Variants in SEMA3C observed in about 807,000 individuals in gnomAD.
SEMA3C encodes semaphorin 3C.
In SEMA3C, 47 loss-of-function variants were observed where a neutral mutation model predicts 89.4. The observed-to-expected ratio is 0.53, with a 90% CI of 0.42 to 0.67. The LOEUF is 0.67. Ranked by LOEUF, SEMA3C falls within the 30% of genes least tolerant of loss-of-function variation. The pLI, the probability that SEMA3C is intolerant of heterozygous loss-of-function variation, is 0.00. For synonymous variants in SEMA3C, 310 were observed against 320.2 expected (o/e 0.97, Z 0.34); for missense variants, 839 against 929.1 (o/e 0.90, Z 1.26).
chr7:80,871,873 G>A (rs1791066745), intron 2 of SEMA3C, among the ~76,000 whole-genome samples: 1 of 151,896 alleles, frequency 6.6e-6, no homozygotes, highest in South Asian at 2.1e-4. Context: ...AAAATTGAGG[G>A]AAACCTTAAA....
At chr7:80,851,136 A>AC (rs927175912) in intron 2 of SEMA3C, among the ~76,000 whole-genome samples, 3 of 152,090 alleles carry the variant, frequency 2.0e-5, no homozygotes, top group African/African-American at 7.2e-5. Context: ...TTTAGGGCTC[A>AC]CCCAGATAAT....
intron 4 of SEMA3C, among the ~76,000 whole-genome samples, chr7:80,820,178 C>T (rs1789711519): frequency 6.6e-6 from 1 of 151,598 alleles, no homozygotes; most frequent in African/African-American, 2.4e-5. Flanking sequence ...CTGCCTCAGC[C>T]TCCCAAGTAG....
chr7:80,887,673 C>G (rs1194824616), intron 2 of SEMA3C, among the ~76,000 whole-genome samples: 1 of 152,062 alleles, frequency 6.6e-6, no homozygotes, highest in Admixed American at 6.6e-5. Flanking sequence ...TTAATTACAT[C>G]ACAGATTTTT....
chr7:80,816,945 G>A (rs1208669622), intron 5 of SEMA3C, among the ~76,000 whole-genome samples: 1 of 152,154 alleles, frequency 6.6e-6, no homozygotes, highest in African/African-American at 2.4e-5. Flanking sequence ...TCTGAAAATG[G>A]CTATGCTATT....
At chr7:80,913,154 A>G (rs2116246843) in intron 2 of SEMA3C, among the ~76,000 whole-genome samples, 1 of 152,248 alleles carries the variant, frequency 6.6e-6, no homozygotes, top group Admixed American at 6.5e-5. Flanking sequence ...TAATGTCAAC[A>G]ATTTGGGAGG....
chr7:80,840,339 G>T (rs1189406144), intron 2 of SEMA3C, among the ~76,000 whole-genome samples: 1 of 151,804 alleles, frequency 6.6e-6, no homozygotes, highest in Admixed American at 6.6e-5. Flanking sequence ...GGGCAACATG[G>T]CAAGACCATG....
At chr7:80,865,306 A>T (rs944569672) in intron 2 of SEMA3C, among the ~76,000 whole-genome samples, 1 of 152,196 alleles carries the variant, frequency 6.6e-6, no homozygotes, top group Non-Finnish European at 1.5e-5. Flanking sequence ...TATTAAATAT[A>T]CAATTAGACT....
chr7:80,743,221 T>A lies in SEMA3C; in HGVS notation c.*1673A>T, dbSNP rs1217373216. 5.3e-5 allele frequency: 8 copies of A among 151,908 alleles called. No individual in the cohort carries two copies. Among genetic ancestry groups the A allele is most frequent in the African/African-American group, 2.4e-5 (1 of 41,442 alleles). The allele number at this position is 151,908 out of a possible 1,614,324, so 9.4% of individuals were successfully genotyped here. ...TACACATTTGGAACAACAGATTTTT[T>A]AAAAAATGAAGTTTGGTGTTATGTC... On this transcript the variant is annotated 3_prime_UTR_variant, in exon 18 of 18. Coordinates refer to ENST00000265361, the MANE Select transcript of SEMA3C (RefSeq NM_006379.5).
intron 2 of SEMA3C, among the ~76,000 whole-genome samples, chr7:80,833,437 G>A (rs1790054458): frequency 6.6e-6 from 1 of 151,714 alleles, no homozygotes; most frequent in Admixed American, 6.6e-5. Flanking sequence ...CTCCAGCCTG[G>A]GGTGACAGAG....
At chr7:80,787,707 G>C (rs1032584400) in intron 12 of SEMA3C, among the ~76,000 whole-genome samples, 29 of 152,204 alleles carry the variant, frequency 1.9e-4, no homozygotes, top group African/African-American at 6.8e-4. Context: ...ACCTGGCAAG[G>C]CTTCTAAGTT....
chr7:80,872,064 C>A (rs974564354), intron 2 of SEMA3C, among the ~76,000 whole-genome samples: 1 of 152,048 alleles, frequency 6.6e-6, no homozygotes, highest in Non-Finnish European at 1.5e-5. Context: ...ATATTCACGG[C>A]CTTGTATGCA....
chr7:80,765,214 G>T lies in SEMA3C; in HGVS notation c.1384C>A (p.Leu462Ile), dbSNP rs1424224742. The T allele has an allele frequency of 6.2e-7, 1 of 1,613,362 alleles. No homozygotes were observed. Among genetic ancestry groups the T allele is most frequent in the Non-Finnish European group, 8.5e-7 (1 of 1,179,702 alleles). The change falls in exon 13 of 18, where the codon CTT becomes ATT. Residue 462 changes from leucine to isoleucine, a missense_variant. By Grantham distance (5) the Leu-to-Ile change is conservative. Coordinates refer to ENST00000265361, the MANE Select transcript of SEMA3C (RefSeq NM_006379.5). ...DRGTVQKVVV[L>I]PTNNSVSGEL... ...CCACTGACAGAGTTGTTAGTAGGAA[G>T]AACAACCACTTTTTGCACAGTACCC...
intron 2 of SEMA3C, among the ~76,000 whole-genome samples, chr7:80,845,751 G>A (rs1415710220): frequency 6.6e-6 from 1 of 152,076 alleles, no homozygotes; most frequent in Non-Finnish European, 1.5e-5. Flanking sequence ...GGAAAACCAT[G>A]GGCACTAGGG....
intron 15 of SEMA3C, among the ~76,000 whole-genome samples, chr7:80,755,631 T>C (rs1788048616): frequency 6.6e-6 from 1 of 151,910 alleles, no homozygotes. Flanking sequence ...GCTTAATAGA[T>C]TGAAGATTAT....
intron 2 of SEMA3C, among the ~76,000 whole-genome samples, chr7:80,899,575 T>C (rs1201913009): frequency 6.6e-6 from 1 of 152,206 alleles, no homozygotes; most frequent in Non-Finnish European, 1.5e-5. Context: ...GAACTTTTGC[T>C]TTAAATATAA....
At chr7:80,908,325 T>C (rs903627161) in intron 2 of SEMA3C, among the ~76,000 whole-genome samples, 1 of 152,186 alleles carries the variant, frequency 6.6e-6, no homozygotes, top group Non-Finnish European at 1.5e-5. Context: ...ATGAATGAAG[T>C]GCCAGCTTGG....
chr7:80,777,680 C>T (rs1272737463), intron 12 of SEMA3C, among the ~76,000 whole-genome samples: 2 of 152,190 alleles, frequency 1.3e-5, no homozygotes, highest in Non-Finnish European at 2.9e-5. Context: ...CTACATACCA[C>T]ACTGCCATAT....
intron 12 of SEMA3C, among the ~76,000 whole-genome samples, chr7:80,785,736 G>A (rs1044748092): frequency 1.6e-4 from 24 of 152,164 alleles, no homozygotes; most frequent in Admixed American, 1.1e-3. Flanking sequence ...AGCCTCCCGA[G>A]TAGCTGGGAT....
At chr7:80,812,026 G>C (rs1187344827) in intron 5 of SEMA3C, among the ~76,000 whole-genome samples, 1 of 152,112 alleles carries the variant, frequency 6.6e-6, no homozygotes, top group Non-Finnish European at 1.5e-5. Context: ...CTACTGTTTT[G>C]TAAAAGGTAA....
Sources: allele counts gnomAD v4.1 joint callset (sites outside exome capture counted in the v4.1 genomes callset), GRCh38; gene constraint gnomAD v4.1.1; transcripts MANE v1.5; gene names NCBI Gene and HGNC (gene_info 2026-07-23, HGNC 2026-07-21).